The following BRF1 variants were observed in gnomAD, a reference collection of about 807,000 sequenced individuals.
BRF1 encodes the protein BRF1 general transcription factor IIIB subunit.
Under a neutral mutation model 81.7 loss-of-function variants are expected in BRF1, and 59 were observed. The observed-to-expected ratio is 0.72, with a 90% CI of 0.59 to 0.90. BRF1 has a LOEUF of 0.90. Ranked by LOEUF, BRF1 falls within the 40% of genes least tolerant of loss-of-function variation. The pLI is 0.00. For synonymous variants in BRF1, 491 were observed against 395.6 expected (o/e 1.24, Z -2.86); for missense variants, 1,050 against 936.3 (o/e 1.12, Z -1.58).
At chr14:105,287,866 C>T (rs971197280) in intron 1 of BRF1, among the ~76,000 whole-genome samples, 7 of 152,348 alleles carry the variant, frequency 4.6e-5, no homozygotes, top group Admixed American at 3.9e-4. Flanking sequence ...TGGGCCCGTC[C>T]GGAAACTCAG....
intron 3 of BRF1, among the ~76,000 whole-genome samples, chr14:105,260,907 G>A (rs1295331804): frequency 6.6e-6 from 1 of 152,312 alleles, no homozygotes; most frequent in East Asian, 1.9e-4. Flanking sequence ...CCAATCCCGG[G>A]AGGGCCTACT....
chr14:105,246,194 T>G (rs967345043), intron 5 of BRF1, among the ~76,000 whole-genome samples: 1 of 151,452 alleles, frequency 6.6e-6, no homozygotes, highest in African/African-American at 2.4e-5. Context: ...CACTCCAGCC[T>G]GGGCAACGGA....
chr14:105,299,066 G>A (rs187163417), intron 1 of BRF1, among the ~76,000 whole-genome samples: 16 of 151,784 alleles, frequency 1.1e-4, no homozygotes, highest in Non-Finnish European at 1.8e-4. Flanking sequence ...CCAGCTACTC[G>A]GGAGGCTGAG....
At chr14:105,217,266 G>T in intron 15 of BRF1, 4 of 568,706 alleles carry the variant, frequency 7.0e-6, no homozygotes, top group Non-Finnish European at 1.2e-5. Flanking sequence ...CCCACGGATT[G>T]TCCCAGCCCC....
At chr14:105,228,591 A>G (rs1465306392) in intron 7 of BRF1, among the ~76,000 whole-genome samples, 1 of 151,370 alleles carries the variant, frequency 6.6e-6, no homozygotes, top group Non-Finnish European at 1.5e-5. Context: ...ATGCCTCCGC[A>G]GGATAGGGCC....
Position 105,209,725 on chromosome 14 carries a change from A to G in BRF1, c.*826T>C. 2 of 614,488 alleles carry G rather than the reference A, an allele frequency of 3.3e-6. No individual in the cohort carries two copies. Among genetic ancestry groups the G allele is most frequent in the Non-Finnish European group, 5.9e-6 (2 of 341,460 alleles). 38.1% of individuals were successfully genotyped at this position (614,488 alleles called of 1,614,324 possible). A position where few individuals can be genotyped will look rare whatever the true frequency, so the allele number is the denominator to read the frequency against. On this transcript the variant is annotated 3_prime_UTR_variant, in exon 18 of 18. Transcript: ENST00000547530. ...CTGTCCACGGGGAACTCCCAGCGCC[A>G]GGACACTATGCAGGCTATGCCCGCA...
chr14:105,248,991 G>GCGC (rs1055625932), intron 5 of BRF1: 621 of 990,920 alleles, frequency 6.3e-4, no homozygotes, highest in Non-Finnish European at 7.2e-4. Flanking sequence ...CCCCGCGCCA[G>GCGC]CGCCGCCGCC....
intron 3 of BRF1, 61 bp downstream of exon 3, chr14:105,272,660 G>C: frequency 6.6e-7 from 1 of 1,512,400 alleles, no homozygotes; most frequent in Non-Finnish European, 8.9e-7. Context: ...CCCAATATTC[G>C]AGGGGAGCCA....
chr14:105,287,605 G>A (rs1460027162), intron 1 of BRF1, among the ~76,000 whole-genome samples: 1 of 152,172 alleles, frequency 6.6e-6, no homozygotes, highest in African/African-American at 2.4e-5. Flanking sequence ...AAAGCCAATC[G>A]CTGGAGCCTG....
At chr14:105,255,823 A>C (rs1177881169) in intron 4 of BRF1, among the ~76,000 whole-genome samples, 2 of 152,184 alleles carry the variant, frequency 1.3e-5, no homozygotes, top group Non-Finnish European at 2.9e-5. Flanking sequence ...AGATTTTTCT[A>C]CAATTTAAAA....
intron 4 of BRF1, among the ~76,000 whole-genome samples, chr14:105,255,448 G>A (rs760197775): frequency 2.0e-5 from 3 of 152,368 alleles, no homozygotes; most frequent in Non-Finnish European, 4.4e-5. Context: ...TGCCAAAGGC[G>A]GAAAGCCCTT....
At chr14:105,219,839 C>T (rs1344529818) in intron 12 of BRF1, 1 of 586,662 alleles carries the variant, frequency 1.7e-6, no homozygotes, top group Non-Finnish European at 3.0e-6. Flanking sequence ...CCGCAAGGAC[C>T]AGGCGCAAAG....
At chr14:105,228,601 C>G (rs587659906) in intron 7 of BRF1, among the ~76,000 whole-genome samples, 6 of 151,870 alleles carry the variant, frequency 4.0e-5, no homozygotes, top group African/African-American at 1.5e-4. Flanking sequence ...AGGATAGGGC[C>G]GGCCCCAGAA....
rs2058456914 is a variant in BRF1 at position 105,314,418 on chromosome 14, G to A, written c.-162+904C>T. 4 of 150,196 alleles carry A rather than the reference G, an allele frequency of 2.7e-5. No homozygotes were observed. The South Asian group carries it at 8.3e-4, about 31-fold the overall frequency. The allele number at this position is 150,196 out of a possible 1,614,324, so 9.3% of individuals were successfully genotyped here. A position where few individuals can be genotyped will look rare whatever the true frequency, so the allele number is the denominator to read the frequency against. On this transcript the variant is annotated intron_variant, in intron 1 of 17. Transcript: ENST00000327359. ...CGCCTGAAGCTGGCCGGGACCCGGT[G>A]GACCCCCACGACTCTCCCGGCCCTT...
chr14:105,262,696 G>C (rs1276540378), intron 3 of BRF1, among the ~76,000 whole-genome samples: 1 of 152,190 alleles, frequency 6.6e-6, no homozygotes, highest in Non-Finnish European at 1.5e-5. Flanking sequence ...TAATGCAGCT[G>C]CTATCCAGGC....
At chr14:105,219,910 G>C in intron 12 of BRF1, 159 bp downstream of exon 12, 1 of 751,236 alleles carries the variant, frequency 1.3e-6, no homozygotes, top group Admixed American at 2.5e-5. Flanking sequence ...GTGGGGGGGG[G>C]TCCCGGGAAC....
At chr14:105,274,120 T>C (rs188214449) in intron 2 of BRF1, among the ~76,000 whole-genome samples, 22 of 152,328 alleles carry the variant, frequency 1.4e-4, no homozygotes, top group Admixed American at 1.3e-3. Context: ...GCTGAGATGT[T>C]TGGGCGGAGA....
chr14:105,315,181 G>T lies in BRF1; in HGVS notation c.-162+141C>A. The stretch of plus-strand genomic sequence containing the variant: ...GCGCCCCCGCCCGCCGGTTCGACGC[G>T]TGCAGCCGCCGCCCCCCCGCAGCTC... On this transcript the variant is annotated intron_variant, in intron 1 of 17. Transcript: ENST00000327359. The surrounding 1 kb of genome is among the most constrained non-coding windows in gnomAD (Gnocchi z 4.4). 1 of 339,194 alleles carries T rather than the reference G, an allele frequency of 2.9e-6. No individual in the cohort carries two copies. Among genetic ancestry groups the T allele is most frequent in the Non-Finnish European group, 4.3e-6 (1 of 232,370 alleles). The allele number at this position is 339,194 out of a possible 1,614,324, so 21.0% of individuals were successfully genotyped here.
intron 6 of BRF1, among the ~76,000 whole-genome samples, 193 bp from the exon 7 acceptor site, chr14:105,229,106 T>A (rs2054289678): frequency 6.6e-6 from 1 of 152,192 alleles, no homozygotes; most frequent in African/African-American, 2.4e-5. Context: ...TTATTGTGGG[T>A]GGCGGCTGCA....
Sources: allele counts gnomAD v4.1 joint callset (sites outside exome capture counted in the v4.1 genomes callset), GRCh38; gene constraint gnomAD v4.1.1; non-coding constraint Gnocchi (gnomAD v3.1); transcripts MANE v1.5; gene names NCBI Gene and HGNC (gene_info 2026-07-23, HGNC 2026-07-21).